STK31: variants seen among roughly 807,000 people sequenced by gnomAD.
The protein encoded by STK31 is serine/threonine-protein kinase 31.
In STK31, 89 loss-of-function variants were observed where a neutral mutation model predicts 129.7. The ratio of observed to expected loss-of-function variants is 0.69; its 90% CI spans 0.58 to 0.82. The LOEUF is 0.82. Ranked by LOEUF, STK31 falls within the 40% of genes least tolerant of loss-of-function variation. STK31 has a pLI of 0.00. For missense variants in STK31, 1,187 were observed against 1,176.4 expected (o/e 1.01, Z -0.13); for synonymous variants, 448 against 395.3 (o/e 1.13, Z -1.58).
rs549040860 is a variant in STK31, at chr7:23,715,950, C to G, written c.151-1531C>G. ...AGGCTAGAATGTGGCTCTGTATACT[C>G]TTCACCCAGCTTCCTTTAATGCTAA... On this transcript the variant is annotated intron_variant, in intron 3 of 23. Coordinates refer to ENST00000355870, the MANE Select transcript of STK31 (RefSeq NM_031414.5). Among the ~76,000 whole-genome samples, 9 of 152,270 alleles carry G rather than the reference C, an allele frequency of 5.9e-5. No individual in the cohort carries two copies. In the South Asian group the frequency reaches 6.2e-4, roughly 11 times the overall value.
At chr7:23,768,360 C>T (rs12531828) in intron 11 of STK31, among the ~76,000 whole-genome samples, 18,758 of 152,100 alleles carry the variant, frequency 0.12, 1,211 homozygotes, top group East Asian at 0.22. Context: ...AATTGCCTCA[C>T]GATGCATTTC....
intron 11 of STK31, among the ~76,000 whole-genome samples, chr7:23,766,934 C>T (rs760985804): frequency 1.3e-5 from 2 of 151,970 alleles, no homozygotes; most frequent in Non-Finnish European, 2.9e-5. Flanking sequence ...TTGTTGGTGT[C>T]TTTTTGGAGG....
At chr7:23,710,419 C>A (rs1191467989) in intron 1 of STK31, 84 bp downstream of exon 1, 1 of 1,602,464 alleles carries the variant, frequency 6.2e-7, no homozygotes, top group Non-Finnish European at 8.5e-7. Context: ...AGTCTCCAAT[C>A]CTGGGACGAG....
chr7:23,780,748 T>C (rs1325363923), intron 15 of STK31, among the ~76,000 whole-genome samples: 1 of 152,196 alleles, frequency 6.6e-6, no homozygotes, highest in African/African-American at 2.4e-5. Flanking sequence ...AGGGTAAAAT[T>C]CAACAGAACT....
At chr7:23,757,821 G>A (rs552441496) in intron 10 of STK31, among the ~76,000 whole-genome samples, 2 of 152,318 alleles carry the variant, frequency 1.3e-5, no homozygotes, top group Admixed American at 6.5e-5. Context: ...ATTTCAGACT[G>A]TCACATGGGG....
intron 23 of STK31, among the ~76,000 whole-genome samples, chr7:23,828,535 C>A (rs890730146): frequency 2.6e-5 from 4 of 152,256 alleles, no homozygotes. Flanking sequence ...TGACCCCTTG[C>A]GCTTCCCGGG....
At position 23,766,580 on chromosome 7, in the gene STK31, C is replaced by A. The variant is rs191160533; in HGVS notation, c.1417-2415C>A. Among the ~76,000 whole-genome samples, 8 of 152,220 alleles carry A rather than the reference C, an allele frequency of 5.3e-5. No homozygotes were observed. In the East Asian group the frequency reaches 1.5e-3, roughly 29 times the overall value. ...TCTTATTTCCATAATTGTTATCAGTCTAATCTTTGTTCTTCTGTGATCTTT... is the reference window on the plus strand; with the variant it reads ...TCTTATTTCCATAATTGTTATCAGTATAATCTTTGTTCTTCTGTGATCTTT... On this transcript the variant is annotated intron_variant, in intron 11 of 23. Transcript: ENST00000355870.
rs570017594 is a variant in STK31, at chr7:23,738,142, C to T, written c.1017+1064C>T. Among the ~76,000 whole-genome samples the T allele has an allele frequency of 4.6e-5, 7 of 152,266 alleles. No individual in the cohort carries two copies. In the South Asian group the frequency reaches 1.0e-3, roughly 23 times the overall value. On this transcript the variant is annotated intron_variant, in intron 8 of 23. Transcript: ENST00000355870. ...TTCGGGGTTTCCCATGACCCTCCCT[C>T]AGGTTAGATAATTCACTAGAACTAC...
chr7:23,800,371 C>G (rs1220631054), intron 22 of STK31, among the ~76,000 whole-genome samples: 4 of 152,098 alleles, frequency 2.6e-5, no homozygotes, highest in African/African-American at 9.7e-5. Context: ...GAAAATGTGG[C>G]ACATATACAC....
chr7:23,711,415 A>G (rs372513254), intron 1 of STK31, among the ~76,000 whole-genome samples: 11 of 148,216 alleles, frequency 7.4e-5, no homozygotes, highest in East Asian at 3.9e-4. Flanking sequence ...ACAGAGCAAG[A>G]CTTCGTTTGG....
At chr7:23,825,246 T>C (rs1385319262) in intron 23 of STK31, among the ~76,000 whole-genome samples, 7 of 152,220 alleles carry the variant, frequency 4.6e-5, no homozygotes, top group Non-Finnish European at 8.8e-5. Context: ...TTTTGGTTGG[T>C]AAGCTGTTAA....
intron 22 of STK31, among the ~76,000 whole-genome samples, chr7:23,805,432 A>G (rs908056974): frequency 6.6e-6 from 1 of 152,154 alleles, no homozygotes; most frequent in Admixed American, 6.6e-5. Flanking sequence ...TTTTAAAGGC[A>G]TTACATTTTA....
rs767844709 is a variant in STK31 at position 23,752,801 on chromosome 7, G to T, written c.1102G>T (p.Ala368Ser). 2.5e-6 allele frequency: 4 copies of T among 1,612,712 alleles called. No individual in the cohort carries two copies. Among genetic ancestry groups the T allele is most frequent in the Non-Finnish European group, 3.4e-6 (4 of 1,179,226 alleles). Reference sequence around the variant, plus strand: ...TATAGATACCAGAATGAAAAATCTGGCAGCTAAGATGGAAATACTGAAAGA... The same window carrying T: ...TATAGATACCAGAATGAAAAATCTGTCAGCTAAGATGGAAATACTGAAAGA... Reference protein sequence around the residue: ...TYIDTRMKNLAAKMEILKEMR... With the variant: ...TYIDTRMKNLSAKMEILKEMR... The change falls in exon 9 of 24, where the codon GCA (alanine) becomes TCA (serine). Residue 368 changes from alanine (A) to serine (S), a missense_variant. Physicochemically the swap from Ala to Ser is moderately conservative, Grantham distance 99. This residue lies in a region of STK31 where 975 missense variants were observed against 934.9 expected (regional missense o/e 1.04). Transcript: ENST00000355870.
At chr7:23,827,983 G>T (rs1794280149) in intron 23 of STK31, among the ~76,000 whole-genome samples, 2 of 152,166 alleles carry the variant, frequency 1.3e-5, no homozygotes, top group Non-Finnish European at 2.9e-5. Context: ...ACCCGGCTGT[G>T]TGAGGTGTCA....
intron 8 of STK31, among the ~76,000 whole-genome samples, chr7:23,750,066 T>TCCCCCCCC: frequency 2.6e-5 from 2 of 77,670 alleles, no homozygotes; most frequent in East Asian, 6.8e-4. Flanking sequence ...AATGGTTTGT[T>TCCCCCCCC]TCCCCCCCCG....
rs561129070 is a variant in STK31 at position 23,776,156 on chromosome 7, C to T, written c.1965+3878C>T. On this transcript the variant is annotated intron_variant, in intron 15 of 23. Transcript: ENST00000355870. ...TACTTATTTGCATATTTTGAACCAG[C>T]GTTGCATCCCAGGGATGAAGCTGAC... Among the ~76,000 whole-genome samples, 13 of 152,376 alleles carry T rather than the reference C, an allele frequency of 8.5e-5. No individual in the cohort carries two copies. In the South Asian group the frequency reaches 1.4e-3, roughly 17 times the overall value.
intron 6 of STK31, among the ~76,000 whole-genome samples, chr7:23,733,218 T>G (rs188274415): frequency 7.6e-4 from 116 of 152,162 alleles, no homozygotes; most frequent in African/African-American, 2.6e-3. Context: ...ACCTGTGTGT[T>G]TGTTAACCTA....
In STK31 at chr7:23,786,539, A is replaced by G. The variant is rs1191216214; in HGVS notation, c.2306A>G (p.Lys769Arg). Residue 769 changes from lysine (K) to arginine (R), a missense_variant, in exon 19 of 24, where the codon AAG becomes AGG. By Grantham distance (26) the Lys-to-Arg change is conservative. Transcript: ENST00000355870. Reference sequence around the variant, plus strand: ...TCTGTGGATGTTGACACAGAAGCCAAGGTGATTGAGAGAGCAGCCACCTAC... The same window carrying G: ...TCTGTGGATGTTGACACAGAAGCCAGGGTGATTGAGAGAGCAGCCACCTAC... The part of the protein sequence containing the change: ...GYSVDVDTEA[K>R]VIERAATYHR... 6.2e-7 allele frequency: 1 copy of G among 1,613,650 alleles called. No homozygotes were observed. Among genetic ancestry groups the G allele is most frequent in the South Asian group, 1.1e-5 (1 of 91,036 alleles).
intron 23 of STK31, among the ~76,000 whole-genome samples, chr7:23,827,561 G>A (rs560365370): frequency 1.3e-5 from 2 of 152,074 alleles, no homozygotes; most frequent in South Asian, 4.2e-4. Context: ...TTAGCTTGGA[G>A]TAGTTTGATC....
Sources: gnomAD v4.1 joint callset for allele counts (sites outside exome capture counted in the v4.1 genomes callset) on GRCh38, gnomAD v4.1.1 for gene constraint, gnomAD v4.1.1 regional missense constraint, MANE v1.5 for transcripts, NCBI Gene and HGNC (gene_info 2026-07-23, HGNC 2026-07-21) for gene names.